The following PIK3R3 variants were observed in gnomAD, a reference collection of about 807,000 sequenced individuals.
PIK3R3 encodes phosphoinositide-3-kinase regulatory subunit 3.
A neutral mutation model predicts 62.9 loss-of-function variants in PIK3R3; 64 were observed. The ratio of observed to expected loss-of-function variants is 1.02; its 90% CI spans 0.83 to 1.25. The LOEUF (loss-of-function observed/expected upper bound fraction) is 1.25. Ranked by LOEUF, PIK3R3 falls within the 50% of genes most tolerant of loss-of-function variation. PIK3R3 has a pLI of 0.00. For missense variants in PIK3R3, 614 were observed against 561.6 expected (o/e 1.09, Z -0.94); for synonymous variants, 165 against 189.0 (o/e 0.87, Z 1.04).
intron 1 of PIK3R3, among the ~76,000 whole-genome samples, chr1:46,097,889 CAAA>C (rs1232804003): frequency 6.9e-5 from 3 of 43,188 alleles, no homozygotes; most frequent in African/African-American, 8.8e-5. Context: ...AACTCCATCT[CAAA>C]AAAAAAAAAA....
chr1:46,081,989 C>T (rs1293486458), intron 1 of PIK3R3, among the ~76,000 whole-genome samples: 1 of 151,454 alleles, frequency 6.6e-6, no homozygotes, highest in African/African-American at 2.4e-5. Context: ...TATATGTGTT[C>T]ATGCAGATAT....
At chr1:46,160,265 C>A in the PIK3R3 span, among the ~76,000 whole-genome samples, 1 of 152,160 alleles carries the variant, frequency 6.6e-6, no homozygotes, top group Non-Finnish European at 1.5e-5. Flanking sequence ...TGGATTTAAG[C>A]AAGCAAAGAC....
At chr1:46,078,374 C>T (rs1044049167) in intron 2 of PIK3R3, among the ~76,000 whole-genome samples, 3 of 152,152 alleles carry the variant, frequency 2.0e-5, no homozygotes, top group Admixed American at 6.5e-5. Context: ...CCTGTCTCTA[C>T]TAAAAATACA....
At chr1:46,049,773 T>G (rs1042563172) in intron 7 of PIK3R3, among the ~76,000 whole-genome samples, 6 of 152,118 alleles carry the variant, frequency 3.9e-5, no homozygotes, top group African/African-American at 1.4e-4. Flanking sequence ...GATCAAATAT[T>G]TTTAATGTAA....
At chr1:46,088,885 A>G (rs1234943387) in intron 1 of PIK3R3, among the ~76,000 whole-genome samples, 2 of 152,108 alleles carry the variant, frequency 1.3e-5, no homozygotes, top group East Asian at 3.8e-4. Flanking sequence ...AGGGGAAAAA[A>G]AAAAAAAAAG....
intron 1 of PIK3R3, among the ~76,000 whole-genome samples, chr1:46,092,098 T>G (rs897298624): frequency 6.6e-6 from 1 of 152,186 alleles, no homozygotes; most frequent in Non-Finnish European, 1.5e-5. Flanking sequence ...GGCACCACTA[T>G]GCATTTGTCA....
intron 1 of PIK3R3, among the ~76,000 whole-genome samples, chr1:46,116,090 T>G (rs1381846274): frequency 2.0e-5 from 3 of 152,336 alleles, no homozygotes; most frequent in Middle Eastern, 3.4e-3. Flanking sequence ...TAAACCCCTT[T>G]GGCATTTTTG....
the PIK3R3 span, among the ~76,000 whole-genome samples, chr1:46,167,288 A>G: frequency 6.6e-6 from 1 of 152,256 alleles, no homozygotes; most frequent in Non-Finnish European, 1.5e-5. Flanking sequence ...CAAAGCTCCG[A>G]AGCTCTGGAT....
At chr1:46,088,382 C>T (rs1032648217) in intron 1 of PIK3R3, among the ~76,000 whole-genome samples, 1 of 151,482 alleles carries the variant, frequency 6.6e-6, no homozygotes, top group African/African-American at 2.4e-5. Context: ...TGGGAGTAAC[C>T]AGAGAATTAA....
rs940857437 is a variant in PIK3R3 at position 46,040,525 on chromosome 1, C to G, written c.*3148G>C. 4.4e-6 allele frequency: 1 copy of G among 228,264 alleles called. No individual in the cohort carries two copies. Among genetic ancestry groups the G allele is most frequent in the Admixed American group, 5.7e-5 (1 of 17,618 alleles). The allele number at this position is 228,264 out of a possible 1,614,324, so 14.1% of individuals were successfully genotyped here. On this transcript the variant is annotated 3_prime_UTR_variant, in exon 10 of 10. Coordinates refer to ENST00000262741, the MANE Select transcript of PIK3R3 (RefSeq NM_003629.4). Reference sequence around the variant, plus strand: ...TTGCCACAAGTGGCTGGAGCTAAAGCAGGTTTGAGCAGTTGGCAGCAGAGG... The same window carrying G: ...TTGCCACAAGTGGCTGGAGCTAAAGGAGGTTTGAGCAGTTGGCAGCAGAGG...
intron 1 of PIK3R3, among the ~76,000 whole-genome samples, chr1:46,093,113 A>C (rs1651796233): frequency 6.6e-6 from 1 of 152,170 alleles, no homozygotes; most frequent in African/African-American, 2.4e-5. Flanking sequence ...AACCAGCCCT[A>C]AGTAACATAT....
At position 46,076,185 on chromosome 1, in the gene PIK3R3, CTTAAA is replaced by C. The variant is rs1442484850; in HGVS notation, c.314+1325_314+1329del. ...TCTAGGTAATCCAGCCAAATTGACA[CTTAAA>C]TTAATCATCACATATATTAAGGCCA... On this transcript the variant is annotated intron_variant, in intron 3 of 9. Coordinates refer to ENST00000262741, the MANE Select transcript of PIK3R3 (RefSeq NM_003629.4). Among the ~76,000 whole-genome samples the C allele has an allele frequency of 4.6e-5, 7 of 152,240 alleles. 1 individual carries two copies. In the South Asian group the frequency reaches 1.5e-3, roughly 32 times the overall value.
At chr1:46,066,395 G>A (rs1401991103) in intron 4 of PIK3R3, among the ~76,000 whole-genome samples, 1 of 152,098 alleles carries the variant, frequency 6.6e-6, no homozygotes, top group Non-Finnish European at 1.5e-5. Context: ...ACATCAAAAT[G>A]ATTAATACTT....
chr1:46,071,439 T>C (rs764146883), intron 3 of PIK3R3, among the ~76,000 whole-genome samples: 25 of 151,738 alleles, frequency 1.6e-4, no homozygotes, highest in Non-Finnish European at 3.5e-4. Flanking sequence ...CTCACGCCTA[T>C]AATCCCAGCA....
In PIK3R3 at chr1:46,055,210, G is replaced by A. The variant is rs143272906; in HGVS notation, c.941+585C>T. Among the ~76,000 whole-genome samples the A allele has an allele frequency of 2.9e-3, 438 of 151,252 alleles. 3 individuals are homozygous for A. Among genetic ancestry groups the A allele is most frequent in the East Asian group, 0.02 (102 of 5,148 alleles). On this transcript the variant is annotated intron_variant, in intron 7 of 9. Coordinates refer to ENST00000262741, the MANE Select transcript of PIK3R3 (RefSeq NM_003629.4). Reference sequence around the variant, plus strand: ...TGCAACCTCCGCCTCCAGGGTTCAAGTGATTCTCCTGCCTCAGCCTCCTGA... The same window carrying A: ...TGCAACCTCCGCCTCCAGGGTTCAAATGATTCTCCTGCCTCAGCCTCCTGA...
At chr1:46,061,315 C>T (rs1178029969) in intron 6 of PIK3R3, among the ~76,000 whole-genome samples, 3 of 152,188 alleles carry the variant, frequency 2.0e-5, no homozygotes, top group African/African-American at 4.8e-5. Context: ...CATGACCTCC[C>T]GCTTCTTTTC....
intron 1 of PIK3R3, among the ~76,000 whole-genome samples, chr1:46,122,410 C>T (rs1283412649): frequency 1.3e-5 from 2 of 152,264 alleles, no homozygotes; most frequent in East Asian, 3.9e-4. Flanking sequence ...CGCTCTGTCA[C>T]CCAGGCTGGA....
rs1448158207 is a variant in PIK3R3, at chr1:46,040,462, A to T, written c.*3211T>A. 4 of 230,272 alleles carry T rather than the reference A, an allele frequency of 1.7e-5. No homozygotes were observed. The highest frequency in any genetic ancestry group is 3.4e-5 in the Non-Finnish European group (4 of 116,176). 14.3% of individuals were successfully genotyped at this position (230,272 alleles called of 1,614,324 possible). A position where few individuals can be genotyped will look rare whatever the true frequency, so the allele number is the denominator to read the frequency against. ...TAGATTTTTCACAAGTAACGGCACCAAAGTCACATGCTGGAATTTGTAAGG... is the reference window on the plus strand; with the variant it reads ...TAGATTTTTCACAAGTAACGGCACCTAAGTCACATGCTGGAATTTGTAAGG... On this transcript the variant is annotated 3_prime_UTR_variant, in exon 10 of 10. Transcript: ENST00000262741.
In PIK3R3 at chr1:46,042,261, A is replaced by T. The variant is rs1463934995; in HGVS notation, c.*1412T>A. ...GAAGGCTTAAGCCACATGGAGCAGA[A>T]GATTCCTGGCCTAAAATCAAGGCCA... On this transcript the variant is annotated 3_prime_UTR_variant, in exon 10 of 10. Coordinates refer to ENST00000262741, the MANE Select transcript of PIK3R3 (RefSeq NM_003629.4). The surrounding 1 kb of genome is among the most constrained non-coding windows in gnomAD (Gnocchi z 4.3). 6.1e-5 allele frequency: 14 copies of T among 227,834 alleles called. No homozygotes were observed. The highest frequency in any genetic ancestry group is 1.3e-3 in the Middle Eastern group (1 of 784). 14.1% of individuals were successfully genotyped at this position (227,834 alleles called of 1,614,324 possible). A position where few individuals can be genotyped will look rare whatever the true frequency, so the allele number is the denominator to read the frequency against.
Sources: allele counts gnomAD v4.1 joint callset (sites outside exome capture counted in the v4.1 genomes callset), GRCh38; gene constraint gnomAD v4.1.1; non-coding constraint Gnocchi (gnomAD v3.1); transcripts MANE v1.5; gene names NCBI Gene and HGNC (gene_info 2026-07-23, HGNC 2026-07-21).